The following DNAH14 variants were observed in gnomAD, a reference collection of about 807,000 sequenced individuals.
The protein encoded by DNAH14 is dynein axonemal heavy chain 14, also known as axonemal beta dynein heavy chain 14.
Under a neutral mutation model 520.9 loss-of-function variants are expected in DNAH14, and 478 were observed. The ratio of observed to expected loss-of-function variants is 0.92; its 90% confidence interval spans 0.85 to 0.99. DNAH14 has a LOEUF of 0.99. Among genes scored for constraint, DNAH14 ranks in the 50% least tolerant of loss-of-function variants. DNAH14 has a pLI of 0.00. For synonymous variants in DNAH14, 1,581 were observed against 1,757.2 expected (o/e 0.90, Z 2.51); for missense variants, 4,831 against 5,234.5 (o/e 0.92, Z 2.38).
chr1:224,987,326 T>C (rs2449259), intron 8 of DNAH14, among the ~76,000 whole-genome samples: 22,979 of 152,136 alleles, frequency 0.15, 3,205 homozygotes, highest in African/African-American at 0.36. Flanking sequence ...AGCTTGAGGA[T>C]GGGAAGAGAG....
intron 31 of DNAH14, among the ~76,000 whole-genome samples, chr1:225,148,141 T>C (rs1021744712): frequency 6.6e-6 from 1 of 152,150 alleles, no homozygotes; most frequent in African/African-American, 2.4e-5. Context: ...TTCCTTTGGG[T>C]ATATAGCCAG....
intron 17 of DNAH14, among the ~76,000 whole-genome samples, chr1:225,074,809 C>A (rs2072041414): frequency 6.6e-6 from 1 of 152,206 alleles, no homozygotes. Context: ...ACATAGTGGC[C>A]TGCCCCTCCT....
chr1:225,128,129 G>C (rs1485467960), intron 27 of DNAH14, among the ~76,000 whole-genome samples: 1 of 152,010 alleles, frequency 6.6e-6, no homozygotes, highest in African/African-American at 2.4e-5. Flanking sequence ...GTTCTCTCTG[G>C]CTGTCCTTAA....
chr1:225,064,098 AACAAG>A (rs1376875323), intron 17 of DNAH14, among the ~76,000 whole-genome samples: 1 of 152,020 alleles, frequency 6.6e-6, no homozygotes, highest in Non-Finnish European at 1.5e-5. Flanking sequence ...CAATAAAAAT[AACAAG>A]ACAACCCAGT....
intron 16 of DNAH14, 67 bp from the exon 17 acceptor site, chr1:225,051,384 C>T (rs2068520630): frequency 1.7e-6 from 2 of 1,145,104 alleles, no homozygotes; most frequent in Non-Finnish European, 2.4e-6. Flanking sequence ...AAACTATTAG[C>T]ATGCCAAACC....
intron 38 of DNAH14, among the ~76,000 whole-genome samples, chr1:225,194,129 A>G (rs1038455032): frequency 9.9e-5 from 15 of 152,172 alleles, no homozygotes; most frequent in African/African-American, 3.4e-4. Context: ...TGCGCAAAGC[A>G]ATTACAGACT....
chr1:225,376,181 C>G (rs895558287), intron 78 of DNAH14, among the ~76,000 whole-genome samples: 1 of 152,024 alleles, frequency 6.6e-6, no homozygotes, highest in Non-Finnish European at 1.5e-5. Flanking sequence ...AATCCTAGCA[C>G]TTTGGGAGGC....
In DNAH14 at chr1:225,307,473, T is replaced by C; in HGVS notation, c.9018T>C (p.His3006=). ...EEMQTKRDRF[H]MGLSTILEAT... is the part of the protein sequence containing the mutation. ...TTTCTTCCTTCAGGGATCGCTTCCA[T>C]ATGGGTCTATCCACAATCCTGGAAG... is the stretch of plus-strand genomic sequence containing the variant. The change falls in exon 59 of 86, where the codon CAT becomes CAC. Residue 3006 remains histidine (H), a synonymous_variant. Transcript: ENST00000682510. The C allele has an allele frequency of 6.5e-7, 1 of 1,542,900 alleles. No homozygotes were observed. The highest frequency in any genetic ancestry group is 8.7e-7 in the Non-Finnish European group (1 of 1,144,262).
intron 60 of DNAH14, among the ~76,000 whole-genome samples, chr1:225,311,222 T>A (rs1192669929): frequency 2.0e-5 from 3 of 152,244 alleles, no homozygotes; most frequent in Non-Finnish European, 2.9e-5. Flanking sequence ...TTTTTTCATA[T>A]GTTTGTTGGC....
intron 8 of DNAH14, among the ~76,000 whole-genome samples, chr1:224,977,118 GA>G (rs1419565035): frequency 2.0e-5 from 3 of 151,906 alleles, no homozygotes; most frequent in Non-Finnish European, 4.4e-5. Flanking sequence ...ACTGGATTAA[GA>G]AAATGTGGCA....
intron 39 of DNAH14, 55 bp downstream of exon 39, chr1:225,204,328 C>G: frequency 1.0e-6 from 1 of 984,116 alleles, no homozygotes; most frequent in South Asian, 1.7e-5. Flanking sequence ...AACTCTCAAC[C>G]AATATGAGCT....
intron 21 of DNAH14, among the ~76,000 whole-genome samples, chr1:225,095,813 T>C (rs1330746119): frequency 6.6e-6 from 1 of 152,140 alleles, no homozygotes; most frequent in East Asian, 1.9e-4. Context: ...AGTAGATCAG[T>C]GGTTGCCTGG....
intron 36 of DNAH14, among the ~76,000 whole-genome samples, chr1:225,184,800 A>G (rs1323157374): frequency 6.6e-6 from 1 of 152,068 alleles, no homozygotes; most frequent in Non-Finnish European, 1.5e-5. Context: ...AAAGAAAGAA[A>G]GAAGCCATAC....
chr1:225,264,109 A>T (rs2093032202), intron 46 of DNAH14, 88 bp from the exon 47 acceptor site: 1 of 1,132,986 alleles, frequency 8.8e-7, no homozygotes, highest in African/African-American at 1.6e-5. Context: ...AGTAAAATTC[A>T]CAATATGCTG....
chr1:225,086,033 A>G (rs775355089), intron 21 of DNAH14, among the ~76,000 whole-genome samples: 6 of 151,982 alleles, frequency 3.9e-5, no homozygotes, highest in Non-Finnish European at 8.8e-5. Context: ...ATAGAAAAAT[A>G]TGACCTTATA....
intron 36 of DNAH14, among the ~76,000 whole-genome samples, chr1:225,173,970 A>G (rs1004017920): frequency 1.3e-5 from 2 of 152,226 alleles, no homozygotes; most frequent in African/African-American, 4.8e-5. Flanking sequence ...AGGGACATAG[A>G]TGAAGCTGGA....
At chr1:225,216,602 T>C (rs2089372907) in intron 41 of DNAH14, among the ~76,000 whole-genome samples, 1 of 152,194 alleles carries the variant, frequency 6.6e-6, no homozygotes, top group South Asian at 2.1e-4. Context: ...TTCTTTTTAC[T>C]CTTTTTTCTC....
intron 37 of DNAH14, 80 bp from the exon 38 acceptor site, chr1:225,192,615 CT>C: frequency 9.7e-7 from 1 of 1,029,648 alleles, no homozygotes; most frequent in Non-Finnish European, 1.4e-6. Context: ...CTCCTATAAC[CT>C]TTTAATAATA....
At chr1:225,080,031 A>T (rs2148570531) in intron 18 of DNAH14, among the ~76,000 whole-genome samples, 1 of 152,198 alleles carries the variant, frequency 6.6e-6, no homozygotes, top group East Asian at 1.9e-4. Flanking sequence ...TGTGAACCTG[A>T]AAGGGAAGTA....
Sources: gnomAD v4.1 joint callset for allele counts (sites outside exome capture counted in the v4.1 genomes callset) on GRCh38, gnomAD v4.1.1 for gene constraint, MANE v1.5 for transcripts, NCBI Gene and HGNC (gene_info 2026-07-23, HGNC 2026-07-21) for gene names.